Variants in VWC2L observed in about 807,000 individuals in gnomAD.
VWC2L encodes the protein von Willebrand factor C domain-containing protein 2-like.
A neutral mutation model predicts 21.6 loss-of-function variants in VWC2L; 10 were observed. The observed-to-expected ratio is 0.46, with a 90% CI of 0.29 to 0.78. The LOEUF (loss-of-function observed/expected upper bound fraction) is 0.78. Ranked by LOEUF, VWC2L falls within the 30% of genes least tolerant of loss-of-function variation. The pLI, the probability that VWC2L is intolerant of heterozygous loss-of-function variation, is 0.10. For synonymous variants in VWC2L, 96 were observed against 94.3 expected (o/e 1.02, Z -0.10); for missense variants, 209 against 277.1 (o/e 0.75, Z 1.74).
chr2:214,461,176 G>A (rs941840990), intron 3 of VWC2L, among the ~76,000 whole-genome samples: 1 of 152,114 alleles, frequency 6.6e-6, no homozygotes, highest in African/African-American at 2.4e-5. Flanking sequence ...CCTGTCCTTG[G>A]GCCCCTGGGC....
chr2:214,513,785 T>C (rs1217612699), intron 3 of VWC2L, among the ~76,000 whole-genome samples: 1 of 152,064 alleles, frequency 6.6e-6, no homozygotes, highest in Non-Finnish European at 1.5e-5. Flanking sequence ...GGCAAGAGTG[T>C]CCTCTTAGCA....
At chr2:214,557,806 T>C (rs186998912) in intron 3 of VWC2L, among the ~76,000 whole-genome samples, 4 of 152,298 alleles carry the variant, frequency 2.6e-5, no homozygotes, top group Non-Finnish European at 4.4e-5. Context: ...TTCGTGCCTT[T>C]CTGCTGTCTC....
At chr2:214,453,139 T>C (rs1182826479) in intron 3 of VWC2L, among the ~76,000 whole-genome samples, 4 of 152,202 alleles carry the variant, frequency 2.6e-5, no homozygotes, top group Non-Finnish European at 2.9e-5. Context: ...AATCTTGACC[T>C]AACTCTTGGT....
At chr2:214,552,202 G>A (rs1689805519) in intron 3 of VWC2L, among the ~76,000 whole-genome samples, 1 of 152,070 alleles carries the variant, frequency 6.6e-6, no homozygotes, top group Non-Finnish European at 1.5e-5. Flanking sequence ...CCTCACTACT[G>A]GCTTTTTCCT....
chr2:214,535,875 A>G (rs1336988032), intron 3 of VWC2L, among the ~76,000 whole-genome samples: 1 of 152,014 alleles, frequency 6.6e-6, no homozygotes. Context: ...TGACCTTATA[A>G]GGCAGGCAAT....
intron 3 of VWC2L, among the ~76,000 whole-genome samples, chr2:214,496,268 T>G (rs1248527194): frequency 9.9e-6 from 1 of 100,882 alleles, no homozygotes; most frequent in Admixed American, 1.0e-4. Flanking sequence ...CTCATATAAG[T>G]AACTCATCAG....
chr2:214,490,087 A>T lies in VWC2L; in HGVS notation c.520+53329A>T, dbSNP rs6759285. Among the ~76,000 whole-genome samples, 215 of 151,918 alleles carry T rather than the reference A, an allele frequency of 1.4e-3. 1 individual carries two copies. The highest frequency in any genetic ancestry group is 1.2e-3 in the South Asian group (6 of 4,830). On this transcript the variant is annotated intron_variant, in intron 3 of 3. Coordinates refer to ENST00000312504, the MANE Select transcript of VWC2L (RefSeq NM_001080500.4). ...ATAGCTGAGTGGAGTTTTCAGAAGC[A>T]AATGGATATAAGAGCAAATTCTGAG... is the stretch of plus-strand genomic sequence containing the variant.
chr2:214,540,775 A>T (rs1372157530), intron 3 of VWC2L, among the ~76,000 whole-genome samples: 1 of 152,178 alleles, frequency 6.6e-6, no homozygotes, highest in Non-Finnish European at 1.5e-5. Flanking sequence ...TAAACAATAC[A>T]TCAGAAAGCA....
At chr2:214,443,740 A>C (rs936308811) in intron 3 of VWC2L, among the ~76,000 whole-genome samples, 2 of 152,192 alleles carry the variant, frequency 1.3e-5, no homozygotes, top group Admixed American at 1.3e-4. Context: ...GTAAACACTA[A>C]AGAAATTCCC....
chr2:214,547,601 G>T (rs1019101043), intron 3 of VWC2L, among the ~76,000 whole-genome samples: 1 of 152,078 alleles, frequency 6.6e-6, no homozygotes, highest in Non-Finnish European at 1.5e-5. Flanking sequence ...TAGATCAAGC[G>T]AGCAACACTT....
chr2:214,518,901 G>A (rs1053150587), intron 3 of VWC2L, among the ~76,000 whole-genome samples: 1 of 151,992 alleles, frequency 6.6e-6, no homozygotes, highest in Non-Finnish European at 1.5e-5. Context: ...CATTTTTAAG[G>A]GGAGTATCCA....
chr2:214,452,957 A>G (rs1168053166), intron 3 of VWC2L, among the ~76,000 whole-genome samples: 1 of 152,056 alleles, frequency 6.6e-6, no homozygotes, highest in Non-Finnish European at 1.5e-5. Flanking sequence ...AGAATTCTTT[A>G]TATATTCTGT....
chr2:214,528,591 TC>T (rs1421143318), intron 3 of VWC2L, among the ~76,000 whole-genome samples: 1 of 149,740 alleles, frequency 6.7e-6, no homozygotes, highest in African/African-American at 2.6e-5. Context: ...AATTTACATC[TC>T]TTTTTTTTTT....
At chr2:214,564,048 T>C (rs931614178) in intron 3 of VWC2L, among the ~76,000 whole-genome samples, 5 of 152,098 alleles carry the variant, frequency 3.3e-5, no homozygotes, top group African/African-American at 1.2e-4. Flanking sequence ...AGCCAAATCA[T>C]GAATGAACTC....
chr2:214,557,351 G>A (rs1335960231), intron 3 of VWC2L, among the ~76,000 whole-genome samples: 2 of 151,962 alleles, frequency 1.3e-5, no homozygotes, highest in Non-Finnish European at 2.9e-5. Flanking sequence ...AACAGTTTGC[G>A]GGAAACCACC....
intron 3 of VWC2L, among the ~76,000 whole-genome samples, chr2:214,547,842 C>G (rs1262846053): frequency 6.6e-6 from 1 of 152,186 alleles, no homozygotes; most frequent in African/African-American, 2.4e-5. Flanking sequence ...TGACTTTTCT[C>G]TCATACTAAT....
chr2:214,558,247 A>C (rs901441427), intron 3 of VWC2L, among the ~76,000 whole-genome samples: 2 of 152,062 alleles, frequency 1.3e-5, no homozygotes, highest in Non-Finnish European at 2.9e-5. Context: ...CTTCCCTTAA[A>C]TGACAATGTC....
intron 3 of VWC2L, among the ~76,000 whole-genome samples, chr2:214,550,618 C>T (rs981365484): frequency 2.0e-5 from 3 of 152,140 alleles, no homozygotes; most frequent in Admixed American, 6.6e-5. Flanking sequence ...TCTTCCCCTG[C>T]CTCATTTTCT....
At chr2:214,432,568 ACT>A (rs1702615893) in intron 2 of VWC2L, among the ~76,000 whole-genome samples, 1 of 152,062 alleles carries the variant, frequency 6.6e-6, no homozygotes, top group Non-Finnish European at 1.5e-5. Context: ...ATTCACAACT[ACT>A]CTTTATCTGA....
Sources: gnomAD v4.1 joint callset for allele counts (sites outside exome capture counted in the v4.1 genomes callset) on GRCh38, gnomAD v4.1.1 for gene constraint, MANE v1.5 for transcripts, NCBI Gene and HGNC (gene_info 2026-07-23, HGNC 2026-07-21) for gene names.